Variants in NETO1 observed in about 807,000 individuals in gnomAD.
NETO1 encodes neuropilin and tolloid-like protein 1.
In NETO1, 26 loss-of-function variants were observed where a neutral mutation model predicts 61.3. The observed-to-expected ratio is 0.42, with a 90% CI of 0.31 to 0.59. The LOEUF is 0.59. Among genes scored for constraint, NETO1 ranks in the 20% least tolerant of loss-of-function variants. The pLI, the probability that NETO1 is intolerant of heterozygous loss-of-function variation, is 0.12. For missense variants in NETO1, 531 were observed against 662.8 expected, an observed-to-expected ratio of 0.80 and a Z score of 2.18; for synonymous variants, 225 against 225.8, an observed-to-expected ratio of 1.00 and a Z score of 0.03.
intron 4 of NETO1, chr18:72,834,166 T>G: frequency 1.5e-6 from 1 of 683,138 alleles, no homozygotes; most frequent in Non-Finnish European, 1.8e-6. Context: ...AAAAAACATT[T>G]TAATATTTTA....
In NETO1 at chr18:72,851,575, A is replaced by C. The variant is rs2074250975; in HGVS notation, c.469+7251T>G. On this transcript the variant is annotated intron_variant, in intron 4 of 10. Transcript: ENST00000327305. The stretch of plus-strand genomic sequence containing the variant: ...ATGTCAGTAATAATAGGTATTTGAG[A>C]AGAACAGGAAATGAATCATGCACTT... Among the ~76,000 whole-genome samples, 8 of 152,308 alleles carry C rather than the reference A, an allele frequency of 5.3e-5. No individual in the cohort carries two copies. In the South Asian group the frequency reaches 1.7e-3, roughly 32 times the overall value.
chr18:72,861,966 T>C (rs1162245123), intron 3 of NETO1, among the ~76,000 whole-genome samples: 1 of 152,200 alleles, frequency 6.6e-6, no homozygotes, highest in African/African-American at 2.4e-5. Flanking sequence ...GCACTTTGAC[T>C]ACTCCCTGCT....
intron 4 of NETO1, among the ~76,000 whole-genome samples, chr18:72,836,432 T>C (rs1281246579): frequency 6.6e-6 from 1 of 152,228 alleles, no homozygotes; most frequent in Non-Finnish European, 1.5e-5. Context: ...GATTTAAATA[T>C]GTGACTTAAT....
chr18:72,767,447 T>C (rs995996960), intron 7 of NETO1, among the ~76,000 whole-genome samples: 1 of 152,152 alleles, frequency 6.6e-6, no homozygotes, highest in Admixed American at 6.6e-5. Context: ...AATGGTTCGA[T>C]GGAAAGTTCT....
At chr18:72,823,717 A>G (rs1391647380) in intron 4 of NETO1, among the ~76,000 whole-genome samples, 2 of 152,194 alleles carry the variant, frequency 1.3e-5, no homozygotes, top group African/African-American at 4.8e-5. Context: ...AAAATAGTCA[A>G]AGAAGGATAT....
At chr18:72,824,602 C>T (rs1299515355) in intron 4 of NETO1, among the ~76,000 whole-genome samples, 5 of 152,060 alleles carry the variant, frequency 3.3e-5, no homozygotes, top group African/African-American at 9.7e-5. Context: ...TGGTGGCTCA[C>T]GCCTGTAATT....
intron 6 of NETO1, among the ~76,000 whole-genome samples, chr18:72,788,213 A>G (rs552272221): frequency 5.3e-5 from 8 of 152,184 alleles, no homozygotes; most frequent in Non-Finnish European, 1.0e-4. Flanking sequence ...ATAGAACACT[A>G]ATTAGAGAGT....
At chr18:72,780,398 G>T (rs59988664) in intron 7 of NETO1, among the ~76,000 whole-genome samples, 13 of 151,828 alleles carry the variant, frequency 8.6e-5, no homozygotes, top group African/African-American at 3.1e-4. Flanking sequence ...CTATTTTTTT[G>T]TAGTCTCAAA....
intron 7 of NETO1, among the ~76,000 whole-genome samples, chr18:72,775,693 G>A (rs986251977): frequency 6.6e-6 from 1 of 152,016 alleles, no homozygotes; most frequent in Non-Finnish European, 1.5e-5. Flanking sequence ...TAGAGCATTC[G>A]AGCTCTGTCT....
intron 8 of NETO1, 99 bp from the exon 9 acceptor site, chr18:72,750,719 T>G (rs546065590): frequency 2.5e-5 from 20 of 797,288 alleles, no homozygotes; most frequent in Non-Finnish European, 3.6e-5. Flanking sequence ...AAACTTAAAG[T>G]AAAGCAGGCT....
At chr18:72,843,420 G>T (rs2073993140) in intron 4 of NETO1, among the ~76,000 whole-genome samples, 1 of 152,112 alleles carries the variant, frequency 6.6e-6, no homozygotes, top group South Asian at 2.1e-4. Context: ...AAATCTTGCA[G>T]GACATCTGAA....
At chr18:72,778,748 C>T (rs1271933502) in intron 7 of NETO1, among the ~76,000 whole-genome samples, 3 of 152,126 alleles carry the variant, frequency 2.0e-5, no homozygotes, top group East Asian at 1.9e-4. Context: ...CTCCTCCTCC[C>T]CTTCTGAGCC....
chr18:72,825,997 G>C (rs974892121), intron 4 of NETO1, among the ~76,000 whole-genome samples: 2 of 152,064 alleles, frequency 1.3e-5, no homozygotes, highest in African/African-American at 4.8e-5. Context: ...TGAGTGCAGA[G>C]TTGTAAACAC....
intron 4 of NETO1, among the ~76,000 whole-genome samples, chr18:72,797,736 T>TTAAGA (rs2072366842): frequency 6.6e-6 from 1 of 152,146 alleles, no homozygotes; most frequent in South Asian, 2.1e-4. Flanking sequence ...GCCCTGTGAG[T>TTAAGA]TCTTGACCTT....
intron 3 of NETO1, among the ~76,000 whole-genome samples, chr18:72,864,574 G>A (rs2074676515): frequency 6.6e-6 from 1 of 152,154 alleles, no homozygotes; most frequent in Admixed American, 6.6e-5. Flanking sequence ...AAACTCCTAA[G>A]TTGTTCATCT....
chr18:72,841,061 C>A (rs1294730834), intron 4 of NETO1, among the ~76,000 whole-genome samples: 2 of 152,132 alleles, frequency 1.3e-5, no homozygotes, highest in Admixed American at 1.3e-4. Context: ...GTTTTGGTGA[C>A]TACTCTTCTT....
intron 4 of NETO1, among the ~76,000 whole-genome samples, chr18:72,841,653 G>C (rs541211322): frequency 7.5e-6 from 1 of 132,832 alleles, no homozygotes; most frequent in Non-Finnish European, 1.5e-5. Flanking sequence ...AGAATTGCTT[G>C]AGCCCTGAAG....
chr18:72,841,550 TG>T (rs892963541), intron 4 of NETO1, among the ~76,000 whole-genome samples: 5 of 151,760 alleles, frequency 3.3e-5, no homozygotes, highest in African/African-American at 9.7e-5. Flanking sequence ...CTGGCCAACA[TG>T]GTAAAACCCC....
At chr18:72,860,952 T>G (rs537024049) in intron 3 of NETO1, among the ~76,000 whole-genome samples, 1 of 152,228 alleles carries the variant, frequency 6.6e-6, no homozygotes, top group Non-Finnish European at 1.5e-5. Flanking sequence ...AGTTTTATGA[T>G]GAAACAAATT....
Sources: gnomAD v4.1 joint callset for allele counts (sites outside exome capture counted in the v4.1 genomes callset) on GRCh38, gnomAD v4.1.1 for gene constraint, MANE v1.5 for transcripts, NCBI Gene and HGNC (gene_info 2026-07-23, HGNC 2026-07-21) for gene names.